Variants in TMEM117 observed in about 807,000 individuals in gnomAD.
The protein encoded by TMEM117 is transmembrane protein 117.
A neutral mutation model predicts 52.4 loss-of-function variants in TMEM117; 27 were observed. The observed-to-expected ratio is 0.51, with a 90% CI of 0.38 to 0.71. The LOEUF is 0.71. Among genes scored for constraint, TMEM117 ranks in the 30% least tolerant of loss-of-function variants. The pLI, the probability that TMEM117 is intolerant of heterozygous loss-of-function variation, is 0.00. For synonymous variants in TMEM117, 215 were observed against 206.3 expected (o/e 1.04, Z -0.36); for missense variants, 556 against 630.5 (o/e 0.88, Z 1.26).
At chr12:43,795,871 AC>A in the TMEM117 span, 1 of 974,994 alleles carries the variant, frequency 1.0e-6, no homozygotes, top group African/African-American at 1.6e-5. Flanking sequence ...AGAATCAAGG[AC>A]CATATGTAAA....
chr12:44,304,146 T>C (rs1055457654), intron 6 of TMEM117, among the ~76,000 whole-genome samples: 34 of 152,180 alleles, frequency 2.2e-4, no homozygotes, highest in African/African-American at 5.1e-4. Context: ...TCTTCCCCCA[T>C]CCCCCAGCAG....
intron 3 of TMEM117, among the ~76,000 whole-genome samples, chr12:43,958,032 G>T (rs1397176208): frequency 6.6e-6 from 1 of 152,174 alleles, no homozygotes; most frequent in Admixed American, 6.5e-5. Context: ...GAAACTTGGT[G>T]TTGAAATATT....
intron 5 of TMEM117, among the ~76,000 whole-genome samples, chr12:44,247,198 C>G (rs1307976162): frequency 6.6e-6 from 1 of 152,164 alleles, no homozygotes; most frequent in Non-Finnish European, 1.5e-5. Flanking sequence ...TTGCTGCAAT[C>G]TGTATCTTCA....
chr12:44,348,040 C>T (rs1951511749), intron 6 of TMEM117, among the ~76,000 whole-genome samples: 3 of 151,876 alleles, frequency 2.0e-5, no homozygotes, highest in Admixed American at 6.6e-5. Context: ...TAGTTAGAGT[C>T]CTACATGGAC....
intron 4 of TMEM117, among the ~76,000 whole-genome samples, chr12:44,152,298 ATAT>A (rs1565850431): frequency 9.1e-6 from 1 of 109,676 alleles, no homozygotes; most frequent in Non-Finnish European, 1.6e-5. Context: ...TATATTTATA[ATAT>A]TTATATATAA....
At chr12:44,059,933 G>T (rs1483935928) in intron 3 of TMEM117, among the ~76,000 whole-genome samples, 1 of 152,204 alleles carries the variant, frequency 6.6e-6, no homozygotes, top group Middle Eastern at 3.2e-3. Flanking sequence ...GAAGAGTATA[G>T]TGAAATAGCT....
At chr12:44,287,178 A>G (rs1950648819) in intron 5 of TMEM117, among the ~76,000 whole-genome samples, 1 of 152,220 alleles carries the variant, frequency 6.6e-6, no homozygotes, top group Non-Finnish European at 1.5e-5. Flanking sequence ...GGTATTAGCA[A>G]CAATTGAGGA....
intron 3 of TMEM117, among the ~76,000 whole-genome samples, chr12:43,985,759 G>T (rs78434487): frequency 0.016 from 2,434 of 152,242 alleles, 48 homozygotes; most frequent in African/African-American, 0.055. Flanking sequence ...AACAAGCTAG[G>T]ATTAACTGAG....
chr12:44,067,316 G>T (rs930749679), intron 3 of TMEM117, among the ~76,000 whole-genome samples: 2 of 152,092 alleles, frequency 1.3e-5, no homozygotes, highest in Admixed American at 1.3e-4. Context: ...TGTTCTTAAT[G>T]TCATCTAGAA....
intron 2 of TMEM117, among the ~76,000 whole-genome samples, chr12:43,863,070 A>C (rs1210931461): frequency 6.6e-6 from 1 of 152,068 alleles, no homozygotes; most frequent in African/African-American, 2.4e-5. Flanking sequence ...CTGTGGTGAA[A>C]CCCTGTCTCT....
chr12:44,227,599 T>C (rs1017836730), intron 5 of TMEM117, among the ~76,000 whole-genome samples: 1 of 152,150 alleles, frequency 6.6e-6, no homozygotes, highest in African/African-American at 2.4e-5. Context: ...CAGAACAAAC[T>C]TTACTGAAAA....
chr12:43,829,631 G>A, the TMEM117 span, among the ~76,000 whole-genome samples: 2 of 152,192 alleles, frequency 1.3e-5, no homozygotes, highest in Non-Finnish European at 2.9e-5. Context: ...TTTGAACCAC[G>A]AAGAAAGGGA....
chr12:44,088,167 A>G (rs1399593963), intron 3 of TMEM117, among the ~76,000 whole-genome samples: 2 of 152,210 alleles, frequency 1.3e-5, no homozygotes, highest in Non-Finnish European at 2.9e-5. Flanking sequence ...TTGTTGTGGC[A>G]GAACTCAAAG....
intron 3 of TMEM117, among the ~76,000 whole-genome samples, chr12:44,052,513 CCTT>C (rs920621281): frequency 4.6e-5 from 7 of 152,050 alleles, no homozygotes; most frequent in African/African-American, 1.7e-4. Flanking sequence ...TCTTTGGAGA[CCTT>C]CTGTAGTGTT....
intron 6 of TMEM117, among the ~76,000 whole-genome samples, chr12:44,331,821 G>C (rs1010573502): frequency 1.3e-5 from 2 of 151,952 alleles, no homozygotes; most frequent in African/African-American, 4.8e-5. Context: ...CCTGCTACTA[G>C]CCTTCAGTAC....
intron 6 of TMEM117, among the ~76,000 whole-genome samples, chr12:44,332,578 T>A (rs1951285273): frequency 6.6e-6 from 1 of 152,102 alleles, no homozygotes; most frequent in African/African-American, 2.4e-5. Flanking sequence ...GAGAGTTCTA[T>A]CAATTCTAGA....
intron 3 of TMEM117, among the ~76,000 whole-genome samples, chr12:44,108,082 A>C (rs1359065296): frequency 6.6e-6 from 1 of 152,172 alleles, no homozygotes; most frequent in Non-Finnish European, 1.5e-5. Flanking sequence ...TTTAGACTAT[A>C]CTTCCACAGA....
At chr12:44,338,089 G>A (rs1951366009) in intron 6 of TMEM117, among the ~76,000 whole-genome samples, 1 of 151,592 alleles carries the variant, frequency 6.6e-6, no homozygotes, top group Non-Finnish European at 1.5e-5. Context: ...ATTTTTAAAG[G>A]TTCATTAAAG....
intron 3 of TMEM117, among the ~76,000 whole-genome samples, chr12:44,050,715 C>T (rs906374894): frequency 6.6e-6 from 1 of 152,170 alleles, no homozygotes; most frequent in African/African-American, 2.4e-5. Context: ...GTAGAAGAAC[C>T]CTTAGGAGAT....
Sources: gnomAD v4.1 joint callset for allele counts (sites outside exome capture counted in the v4.1 genomes callset) on GRCh38, gnomAD v4.1.1 for gene constraint, MANE v1.5 for transcripts, NCBI Gene and HGNC (gene_info 2026-07-23, HGNC 2026-07-21) for gene names.